Variants in SI observed in about 807,000 individuals in gnomAD.
The protein encoded by SI is sucrase-isomaltase, intestinal.
A neutral mutation model predicts 253.3 loss-of-function variants in SI; 235 were observed. That is an observed-to-expected ratio of 0.93 (90% CI 0.83 to 1.03). The LOEUF is 1.03. SI is among the 50% of genes least tolerant of loss of function. The pLI, the probability that SI is intolerant of heterozygous loss-of-function variation, is 0.00. For missense variants in SI, 2,442 were observed against 2,211.1 expected, an observed-to-expected ratio of 1.10 and a Z score of -2.09; for synonymous variants, 819 against 712.0, an observed-to-expected ratio of 1.15 and a Z score of -2.39.
intron 6 of SI, among the ~76,000 whole-genome samples, chr3:165,066,363 A>G (rs1560016161): frequency 6.6e-6 from 1 of 152,024 alleles, no homozygotes; most frequent in Non-Finnish European, 1.5e-5. Context: ...TTAATGGGAT[A>G]CAATATGATG....
intron 33 of SI, among the ~76,000 whole-genome samples, chr3:165,014,260 T>A (rs1375647877): frequency 6.6e-6 from 1 of 152,144 alleles, no homozygotes; most frequent in Admixed American, 6.5e-5. Context: ...GTTGTTGTTG[T>A]TGTTTTGAGA....
intron 5 of SI, among the ~76,000 whole-genome samples, chr3:165,068,135 C>T (rs1020339096): frequency 1.3e-5 from 2 of 151,590 alleles, no homozygotes; most frequent in Non-Finnish European, 2.9e-5. Context: ...TGCATGTATA[C>T]GACACTAACA....
chr3:165,037,751 A>C (rs1385669185), intron 21 of SI, 149 bp downstream of exon 21: 1 of 454,488 alleles, frequency 2.2e-6, no homozygotes, highest in African/African-American at 2.0e-5. Flanking sequence ...TTCTTTTTAT[A>C]GCTATGATGG....
Position 165,026,827 on chromosome 3 carries a change from TAAG to T in SI, c.2893-3054_2893-3052del, listed in dbSNP as rs539081161. On this transcript the variant is annotated intron_variant, in intron 25 of 47. Coordinates refer to ENST00000264382, the MANE Select transcript of SI (RefSeq NM_001041.4). Reference sequence around the variant, plus strand: ...CTCAGGGATACAACATACGCAGTACTAAGAAGAAAGTTCATAGCCCTAAATGCC... The same window carrying T: ...CTCAGGGATACAACATACGCAGTACTAAGAAAGTTCATAGCCCTAAATGCC... Among the ~76,000 whole-genome samples, 29 of 151,338 alleles carry T rather than the reference TAAG, an allele frequency of 1.9e-4. No homozygotes were observed. In the East Asian group the frequency reaches 5.5e-3, roughly 29 times the overall value.
At chr3:164,987,922 A>C (rs1688133741) in intron 44 of SI, among the ~76,000 whole-genome samples, 1 of 152,174 alleles carries the variant, frequency 6.6e-6, no homozygotes. Flanking sequence ...TTTCTGACTT[A>C]AGCCTTCCTC....
chr3:165,060,138 T>C, intron 9 of SI, 111 bp from the exon 10 acceptor site: 1 of 918,584 alleles, frequency 1.1e-6, no homozygotes, highest in Non-Finnish European at 1.7e-6. Flanking sequence ...TTCATTTAAG[T>C]TTATATAATT....
intron 3 of SI, 113 bp from the exon 4 acceptor site, chr3:165,069,308 A>C (rs2108101347): frequency 1.4e-6 from 1 of 725,246 alleles, no homozygotes; most frequent in Non-Finnish European, 2.4e-6. Context: ...TCAAATGTAT[A>C]ATATGCCAAA....
At chr3:165,039,672 T>A (rs999572659) in intron 19 of SI, among the ~76,000 whole-genome samples, 1 of 152,108 alleles carries the variant, frequency 6.6e-6, no homozygotes, top group Non-Finnish European at 1.5e-5. Flanking sequence ...TACAATTTTC[T>A]TGTCCCCAGT....
At chr3:165,078,497 G>C (rs1018871241), upstream of SI, 2 of 151,970 alleles carry the variant, frequency 1.3e-5, no homozygotes, top group Non-Finnish European at 3.0e-5. Context: ...CCAAAATAAT[G>C]ATCAAGGAAA....
At chr3:165,015,278 G>GT (rs1271844279) in intron 32 of SI, 45 bp from the exon 33 acceptor site, 2 of 1,301,090 alleles carry the variant, frequency 1.5e-6, no homozygotes, top group African/African-American at 1.5e-5. Context: ...TGAAAAAAGC[G>GT]TAACTACTTG....
At chr3:165,028,696 T>C (rs1712059370) in intron 25 of SI, among the ~76,000 whole-genome samples, 2 of 150,986 alleles carry the variant, frequency 1.3e-5, no homozygotes, top group Non-Finnish European at 3.0e-5. Flanking sequence ...GGAAAGGACA[T>C]CCTATTCAAC....
chr3:165,005,471 C>T (rs1718460212), intron 37 of SI, among the ~76,000 whole-genome samples: 1 of 151,886 alleles, frequency 6.6e-6, no homozygotes, highest in African/African-American at 2.4e-5. Context: ...ATATACCCAC[C>T]TACTATGTGC....
intron 45 of SI, among the ~76,000 whole-genome samples, chr3:164,984,474 T>C (rs1218044541): frequency 1.3e-5 from 2 of 152,108 alleles, no homozygotes; most frequent in African/African-American, 4.8e-5. Flanking sequence ...ACTTAAGTTT[T>C]CATGAACAAT....
At chr3:165,076,747 T>C (rs1715004587) in intron 1 of SI, among the ~76,000 whole-genome samples, 1 of 151,724 alleles carries the variant, frequency 6.6e-6, no homozygotes, top group Non-Finnish European at 1.5e-5. Flanking sequence ...ATATGGAAGA[T>C]ACCCAAATGT....
At chr3:165,070,846 G>T (rs1335227240) in intron 3 of SI, among the ~76,000 whole-genome samples, 6 of 152,098 alleles carry the variant, frequency 3.9e-5, no homozygotes, top group Non-Finnish European at 8.8e-5. Flanking sequence ...CGTACTGGAG[G>T]TTGTAAGTCC....
intron 25 of SI, among the ~76,000 whole-genome samples, chr3:165,024,836 C>T (rs964736581): frequency 6.6e-5 from 10 of 151,148 alleles, no homozygotes; most frequent in South Asian, 6.2e-4. Context: ...TAATTTGTCC[C>T]TTGATTTTCT....
At chr3:164,989,015 G>A (rs536452560) in intron 44 of SI, among the ~76,000 whole-genome samples, 1 of 151,878 alleles carries the variant, frequency 6.6e-6, no homozygotes, top group Admixed American at 6.6e-5. Flanking sequence ...CAGCACACCA[G>A]GATGGCACAT....
intron 31 of SI, among the ~76,000 whole-genome samples, chr3:165,016,581 T>C (rs929851719): frequency 6.6e-6 from 1 of 151,984 alleles, no homozygotes; most frequent in Admixed American, 6.6e-5. Flanking sequence ...TCTTGTAATA[T>C]CCATCAAAGT....
intron 3 of SI, among the ~76,000 whole-genome samples, chr3:165,070,889 C>G (rs1444783543): frequency 6.6e-6 from 1 of 152,018 alleles, no homozygotes; most frequent in South Asian, 2.1e-4. Flanking sequence ...CATGCTGCCT[C>G]CAAAGGCTTC....
Sources: gnomAD v4.1 joint callset for allele counts (sites outside exome capture counted in the v4.1 genomes callset) on GRCh38, gnomAD v4.1.1 for gene constraint, MANE v1.5 for transcripts, NCBI Gene and HGNC (gene_info 2026-07-23, HGNC 2026-07-21) for gene names.